The following IGFBP7 variants were observed in gnomAD, a reference collection of about 807,000 sequenced individuals.
The protein encoded by IGFBP7 is insulin-like growth factor-binding protein 7.
In IGFBP7, 31 loss-of-function variants were observed where a neutral mutation model predicts 29.4. The observed-to-expected ratio is 1.05, with a 90% CI of 0.79 to 1.42. IGFBP7 has a LOEUF of 1.42. Among genes scored for constraint, IGFBP7 ranks in the 40% most tolerant of loss-of-function variants. IGFBP7 has a pLI of 0.00. For synonymous variants in IGFBP7, 172 were observed against 174.9 expected (o/e 0.98, Z 0.13); for missense variants, 393 against 395.5 (o/e 0.99, Z 0.05).
intron 1 of IGFBP7, among the ~76,000 whole-genome samples, chr4:57,058,467 C>T (rs1724725023): frequency 6.6e-6 from 1 of 152,112 alleles, no homozygotes; most frequent in Non-Finnish European, 1.5e-5. Flanking sequence ...ATCTGATCTT[C>T]AACAAAGCTA....
chr4:57,048,213 G>A (rs1033676372), intron 1 of IGFBP7, among the ~76,000 whole-genome samples: 18 of 151,892 alleles, frequency 1.2e-4, no homozygotes, highest in Admixed American at 2.0e-4. Context: ...CACCACTCCC[G>A]GCTAACTTTT....
chr4:57,100,531 C>T (rs1180490560), intron 1 of IGFBP7, among the ~76,000 whole-genome samples: 1 of 152,200 alleles, frequency 6.6e-6, no homozygotes, highest in Non-Finnish European at 1.5e-5. Flanking sequence ...GCCATCTCAA[C>T]TCTGACATAA....
At chr4:57,093,200 G>A (rs963426271) in intron 1 of IGFBP7, among the ~76,000 whole-genome samples, 1 of 152,226 alleles carries the variant, frequency 6.6e-6, no homozygotes, top group African/African-American at 2.4e-5. Context: ...GGATATGTAA[G>A]TTTAGAATTT....
intron 1 of IGFBP7, among the ~76,000 whole-genome samples, chr4:57,066,762 C>T (rs1433331281): frequency 2.6e-5 from 4 of 151,744 alleles, no homozygotes; most frequent in Admixed American, 2.6e-4. Flanking sequence ...GGGGTTTCAC[C>T]ATGTTGGTAG....
chr4:57,086,561 AG>A (rs1460310412), intron 1 of IGFBP7, among the ~76,000 whole-genome samples: 1 of 152,142 alleles, frequency 6.6e-6, no homozygotes, highest in Non-Finnish European at 1.5e-5. Flanking sequence ...TTGGTGGCAT[AG>A]GTGGCTTGTT....
At chr4:57,032,338 C>T (rs1200152865) in intron 4 of IGFBP7, 88 bp downstream of exon 4, 7 of 1,540,156 alleles carry the variant, frequency 4.5e-6, no homozygotes, top group Admixed American at 2.0e-5. Flanking sequence ...TCATCAATAG[C>T]TACGTCTGAT....
At chr4:57,062,915 G>A (rs929013186) in intron 1 of IGFBP7, among the ~76,000 whole-genome samples, 6 of 152,160 alleles carry the variant, frequency 3.9e-5, no homozygotes, top group African/African-American at 1.4e-4. Context: ...CCAGAAAGAA[G>A]ATAATGGTCC....
intron 1 of IGFBP7, among the ~76,000 whole-genome samples, chr4:57,053,292 T>C (rs1341320299): frequency 5.3e-5 from 8 of 152,144 alleles, no homozygotes; most frequent in Non-Finnish European, 1.2e-4. Context: ...GCTGGGATTA[T>C]AGGCGTGAGC....
chr4:57,034,058 A>AAAAC (rs1560488396), intron 2 of IGFBP7, among the ~76,000 whole-genome samples: 1 of 151,352 alleles, frequency 6.6e-6, no homozygotes, highest in Non-Finnish European at 1.5e-5. Flanking sequence ...TCAAAAAAAA[A>AAAAC]AAAAAAAAAA....
At chr4:57,105,415 C>T (rs1490708290) in intron 1 of IGFBP7, among the ~76,000 whole-genome samples, 1 of 152,174 alleles carries the variant, frequency 6.6e-6, no homozygotes, top group Admixed American at 6.5e-5. Context: ...ATACTACATA[C>T]CATGCACTTA....
chr4:57,087,152 C>T (rs529106156), intron 1 of IGFBP7, among the ~76,000 whole-genome samples: 2 of 152,178 alleles, frequency 1.3e-5, no homozygotes, highest in African/African-American at 4.8e-5. Flanking sequence ...CCCCACAGCA[C>T]CAGGATGGCA....
chr4:57,092,633 T>A (rs2109796637), intron 1 of IGFBP7, among the ~76,000 whole-genome samples: 1 of 151,622 alleles, frequency 6.6e-6, no homozygotes, highest in African/African-American at 2.4e-5. Context: ...AAGAGGCTGT[T>A]AAGCTGGAAT....
chr4:57,063,405 T>C (rs921755995), intron 1 of IGFBP7, among the ~76,000 whole-genome samples: 8 of 152,240 alleles, frequency 5.3e-5, no homozygotes, highest in South Asian at 2.1e-4. Context: ...AGTTCTTTCC[T>C]GTGTTCCAAC....
intron 1 of IGFBP7, among the ~76,000 whole-genome samples, chr4:57,073,614 A>G (rs779990992): frequency 3.3e-5 from 5 of 151,862 alleles, no homozygotes; most frequent in Non-Finnish European, 5.9e-5. Context: ...AAATTAAATA[A>G]ATAAATAAAT....
At chr4:57,067,849 T>C (rs1227164279) in intron 1 of IGFBP7, among the ~76,000 whole-genome samples, 1 of 151,470 alleles carries the variant, frequency 6.6e-6, no homozygotes, top group African/African-American at 2.4e-5. Context: ...AAATAAAAAA[T>C]AAAAAGTTTT....
chr4:57,048,208 C>T (rs1000820572), intron 1 of IGFBP7, among the ~76,000 whole-genome samples: 6 of 152,128 alleles, frequency 3.9e-5, no homozygotes, highest in African/African-American at 1.4e-4. Flanking sequence ...TCCACCACCA[C>T]TCCCGGCTAA....
intron 1 of IGFBP7, among the ~76,000 whole-genome samples, chr4:57,055,606 G>T (rs966175527): frequency 6.6e-6 from 1 of 151,546 alleles, no homozygotes; most frequent in Non-Finnish European, 1.5e-5. Context: ...CACCAGCACC[G>T]CCACCACTTC....
chr4:57,084,931 C>T (rs898762340), intron 1 of IGFBP7, among the ~76,000 whole-genome samples: 2 of 151,414 alleles, frequency 1.3e-5, no homozygotes, highest in African/African-American at 4.9e-5. Context: ...GCTGGAACTA[C>T]AGGTGTGTGA....
Position 57,093,499 on chromosome 4 carries a change from C to CAA in IGFBP7, c.475+16376_475+16377dup, listed in dbSNP as rs538065423. On this transcript the variant is annotated intron_variant, in intron 1 of 4. Transcript: ENST00000295666. Reference sequence around the variant, plus strand: ...TGGGCAACAGAGCAAGACTCTGTCTCAAAAAAAAAAAAAAAGAATTTAAAA... The same window carrying CAA: ...TGGGCAACAGAGCAAGACTCTGTCTCAAAAAAAAAAAAAAAAAGAATTTAAAA... Among the ~76,000 whole-genome samples, 513 of 110,140 alleles carry CAA rather than the reference C, an allele frequency of 4.7e-3. 3 individuals carry two copies. Among genetic ancestry groups the CAA allele is most frequent in the African/African-American group, 0.016 (469 of 28,874 alleles). The allele number at this position is 110,140 out of a possible 152,430, so 72.3% of individuals were successfully genotyped here.
Sources: allele counts gnomAD v4.1 joint callset (sites outside exome capture counted in the v4.1 genomes callset), GRCh38; gene constraint gnomAD v4.1.1; transcripts MANE v1.5; gene names NCBI Gene and HGNC (gene_info 2026-07-23, HGNC 2026-07-21).